CHAT: variants seen among roughly 807,000 people sequenced by gnomAD.
CHAT encodes the protein choline O-acetyltransferase, also known as acetyl CoA:choline O-acetyltransferase.
Under a neutral mutation model 76.9 loss-of-function variants are expected in CHAT, and 61 were observed. The ratio of observed to expected loss-of-function variants is 0.79; its 90% CI spans 0.65 to 0.98. The LOEUF is 0.98. CHAT is among the 50% of genes least tolerant of loss of function. CHAT has a pLI of 0.00. For synonymous variants in CHAT, 407 were observed against 397.4 expected (o/e 1.02, Z -0.29); for missense variants, 946 against 986.9 (o/e 0.96, Z 0.56).
At chr10:49,622,047 A>AAGAGGCAGGAGAT in intron 4 of CHAT, 50 bp from the exon 5 acceptor site, 1 of 533,584 alleles carries the variant, frequency 1.9e-6, no homozygotes, top group Non-Finnish European at 2.6e-6. Context: ...GGAGGGAGGG[A>AAGAGGCAGGAGAT]GGAAGCCAGG....
At position 49,619,827 on chromosome 10, in the gene CHAT, G is replaced by A; in HGVS notation, c.490G>A (p.Ala164Thr). ...TGAGGAGCAGTTCAGGAAGAGCCAGGCCATTGTGCAGCAGTTTGGGGCCCC... is the reference window on the plus strand; with the variant it reads ...TGAGGAGCAGTTCAGGAAGAGCCAGACCATTGTGCAGCAGTTTGGGGCCCC... The part of the protein sequence containing the change: ...VSEEQFRKSQ[A>T]IVQQFGAPGG... The change falls in exon 3 of 15, where the codon GCC becomes ACC. Residue 164 changes from alanine (A) to threonine (T), a missense_variant. By Grantham distance (58) the Ala-to-Thr change is moderately conservative. Coordinates refer to ENST00000337653, the MANE Select transcript of CHAT (RefSeq NM_020549.5). The A allele has an allele frequency of 6.2e-7, 1 of 1,614,020 alleles. No homozygotes were observed. The highest frequency in any genetic ancestry group is 8.5e-7 in the Non-Finnish European group (1 of 1,179,980).
At chr10:49,629,781 C>T (rs1023623230) in intron 7 of CHAT, among the ~76,000 whole-genome samples, 8 of 152,094 alleles carry the variant, frequency 5.3e-5, no homozygotes, top group Admixed American at 3.9e-4. Context: ...CCAACTGTGT[C>T]ATCTACACAA....
chr10:49,622,122 G>A lies in CHAT; in HGVS notation c.724G>A (p.Val242Ile), dbSNP rs137899400. The A allele has an allele frequency of 5.6e-6, 9 of 1,612,902 alleles. No homozygotes were observed. The highest frequency in any genetic ancestry group is 7.6e-6 in the Non-Finnish European group (9 of 1,179,510). The change falls in exon 5 of 15, where the codon GTA (valine) becomes ATA (isoleucine). Residue 242 changes from valine (V) to isoleucine (I), a missense_variant. Around this residue, in one of 3 missense-constraint regions of CHAT, gnomAD observed 548 missense variants for 516.2 expected, o/e 1.06. Transcript: ENST00000337653. ...LRFAASLISG[V>I]LSYKALLDSH... ...GTTTGCAGCCAGCCTCATCTCTGGT[G>A]TACTCAGCTACAAGGCCCTGCTGGA...
intron 7 of CHAT, among the ~76,000 whole-genome samples, chr10:49,630,165 G>A (rs904651755): frequency 1.4e-5 from 2 of 141,260 alleles, no homozygotes; most frequent in Admixed American, 7.0e-5. Flanking sequence ...TCAGTACAGA[G>A]CAATAAATTT....
intron 10 of CHAT, among the ~76,000 whole-genome samples, chr10:49,650,501 G>A (rs1358232984): frequency 6.6e-6 from 1 of 152,198 alleles, no homozygotes; most frequent in African/African-American, 2.4e-5. Flanking sequence ...AGCAGATGGG[G>A]AAGAGGCAGA....
chr10:49,629,065 C>T (rs903647523), intron 7 of CHAT, among the ~76,000 whole-genome samples: 7 of 152,250 alleles, frequency 4.6e-5, no homozygotes, highest in African/African-American at 7.2e-5. Context: ...CACTGTGGCC[C>T]GTTCGCTTAC....
In CHAT at chr10:49,620,592, C is replaced by G; in HGVS notation, c.677C>G (p.Pro226Arg). The change falls in exon 4 of 15, where the codon CCT becomes CGT. Residue 226 changes from proline (P) to arginine (R), a missense_variant. Coordinates refer to ENST00000337653, the MANE Select transcript of CHAT (RefSeq NM_020549.5). ...PAVIFARQHF[P>R]GTDDQLRFAA... ...GTGATCTTTGCTCGGCAGCACTTCC[C>G]TGGCACCGATGACCAGCTGAGGTGA... 1 of 1,613,446 alleles carries G rather than the reference C, an allele frequency of 6.2e-7. No individual in the cohort carries two copies. The highest frequency in any genetic ancestry group is 1.3e-5 in the African/African-American group (1 of 75,030).
chr10:49,662,550 G>A (rs1393708133), intron 13 of CHAT, 95 bp from the exon 14 acceptor site: 2 of 1,519,782 alleles, frequency 1.3e-6, no homozygotes, highest in Non-Finnish European at 1.8e-6. Flanking sequence ...CGTGGCTGCT[G>A]GAGTCACCAG....
upstream of CHAT, chr10:49,611,335 A>C (rs1446897176): frequency 6.2e-7 from 1 of 1,602,792 alleles, no homozygotes; most frequent in Non-Finnish European, 8.5e-7. Context: ...TGGCATAGCC[A>C]TGATCGCCGA....
intron 6 of CHAT, 84 bp from the exon 7 acceptor site, chr10:49,627,524 C>G (rs1564476963): frequency 7.0e-7 from 1 of 1,425,520 alleles, no homozygotes; most frequent in East Asian, 2.3e-5. Context: ...CATCCCTGCC[C>G]CAAGCTTACC....
At position 49,619,796 on chromosome 10, in the gene CHAT, G is replaced by C. The variant is rs1838634377; in HGVS notation, c.459G>C (p.Leu153Phe). Residue 153 changes from leucine to phenylalanine, a missense_variant, in exon 3 of 15, where the codon TTG becomes TTC. By Grantham distance (22) the Leu-to-Phe change is conservative. Around this residue, in one of 3 missense-constraint regions of CHAT, gnomAD observed 548 missense variants for 516.2 expected, o/e 1.06. Transcript: ENST00000337653. ...LATYLQCMRH[L>F]VSEEQFRKSQ... ...CGTACCTGCAGTGCATGCGACACTTGGTGTCTGAGGAGCAGTTCAGGAAGA... is the reference window on the plus strand; with the variant it reads ...CGTACCTGCAGTGCATGCGACACTTCGTGTCTGAGGAGCAGTTCAGGAAGA... The C allele has an allele frequency of 6.2e-7, 1 of 1,614,148 alleles. No individual in the cohort carries two copies. The highest frequency in any genetic ancestry group is 2.2e-5 in the East Asian group (1 of 44,884).
chr10:49,621,984 A>AGAAGGGAGGGG (rs1838734564), intron 4 of CHAT, 113 bp from the exon 5 acceptor site: 1 of 1,192,146 alleles, frequency 8.4e-7, no homozygotes, highest in Non-Finnish European at 1.2e-6. Context: ...GAAGGGAGGG[A>AGAAGGGAGGGG]AGAGGAAGGA....
chr10:49,614,733 CA>C (rs758142346), intron 1 of CHAT, among the ~76,000 whole-genome samples: 1 of 152,246 alleles, frequency 6.6e-6, no homozygotes, highest in Non-Finnish European at 1.5e-5. Flanking sequence ...CTTGGCCCAG[CA>C]TCTGCTAAGT....
intron 5 of CHAT, among the ~76,000 whole-genome samples, chr10:49,625,242 G>T (rs765959979): frequency 2.0e-5 from 3 of 152,280 alleles, no homozygotes; most frequent in African/African-American, 4.8e-5. Flanking sequence ...TGCACATGCC[G>T]TGCATGAGGC....
chr10:49,619,681 G>T (rs773343406), intron 2 of CHAT, 44 bp from the exon 3 acceptor site: 1 of 1,585,956 alleles, frequency 6.3e-7, no homozygotes, highest in South Asian at 1.1e-5. Context: ...CAGGCATGGG[G>T]CGCACATACT....
At position 49,616,499 on chromosome 10, in the gene CHAT, C is replaced by G; in HGVS notation, c.287-3C>G. 1.2e-6 allele frequency: 2 copies of G among 1,609,618 alleles called. No homozygotes were observed. The highest frequency in any genetic ancestry group is 2.7e-5 in the African/African-American group (2 of 74,856). The stretch of plus-strand genomic sequence containing the variant: ...TTGATGCTTCCCACTTCTTGGTCCC[C>G]AGGTCCACACCTCTGCATCCCTGCA... On this transcript the variant is annotated splice_region_variant and splice_polypyrimidine_tract_variant and intron_variant, in intron 1 of 14. Coordinates refer to ENST00000337653, the MANE Select transcript of CHAT (RefSeq NM_020549.5).
At chr10:49,630,242 G>A (rs781408032) in intron 7 of CHAT, among the ~76,000 whole-genome samples, 6 of 152,168 alleles carry the variant, frequency 3.9e-5, no homozygotes, top group African/African-American at 9.7e-5. Context: ...AGAAACAGAA[G>A]AACAGGGAGC....
At chr10:49,650,441 A>G (rs1208509685) in intron 10 of CHAT, among the ~76,000 whole-genome samples, 3 of 152,186 alleles carry the variant, frequency 2.0e-5, no homozygotes, top group African/African-American at 7.2e-5. Context: ...ACTGTGAGGG[A>G]GGGCCTTGTA....
intron 7 of CHAT, among the ~76,000 whole-genome samples, chr10:49,638,788 T>C (rs921374145): frequency 2.6e-5 from 4 of 152,250 alleles, no homozygotes; most frequent in Admixed American, 1.3e-4. Flanking sequence ...GGCAATTTTA[T>C]GATTTTTGCT....
Sources: allele counts gnomAD v4.1 joint callset (sites outside exome capture counted in the v4.1 genomes callset), GRCh38; gene constraint gnomAD v4.1.1; regional missense constraint gnomAD v4.1.1; transcripts MANE v1.5; gene names NCBI Gene and HGNC (gene_info 2026-07-23, HGNC 2026-07-21).